Variants in CSMD1 observed in about 807,000 individuals in gnomAD.
CSMD1 encodes the protein CUB and Sushi multiple domains 1.
CSMD1 carries 213 observed loss-of-function variants against 417.5 expected under a neutral mutation model. That is an observed-to-expected ratio of 0.51 (90% CI 0.46 to 0.57). The LOEUF (loss-of-function observed/expected upper bound fraction) is 0.57. Ranked by LOEUF, CSMD1 falls within the 20% of genes least tolerant of loss-of-function variation. CSMD1 has a pLI of 0.00. For synonymous variants in CSMD1, 2,862 were observed against 1,736.8 expected, an observed-to-expected ratio of 1.65 and a Z score of -16.11; for missense variants, 6,923 against 4,529.7, an observed-to-expected ratio of 1.53 and a Z score of -15.17.
chr8:3,848,920 C>T (rs1803691410), intron 5 of CSMD1, among the ~76,000 whole-genome samples: 1 of 150,230 alleles, frequency 6.7e-6, no homozygotes, highest in Admixed American at 6.6e-5. Flanking sequence ...ATATCATATA[C>T]ATATATCATA....
chr8:3,660,875 C>T (rs1393865212), intron 7 of CSMD1, among the ~76,000 whole-genome samples: 5 of 152,130 alleles, frequency 3.3e-5, no homozygotes, highest in Admixed American at 2.0e-4. Context: ...ATTGTTCAGA[C>T]TCTATGACAG....
chr8:4,864,897 AAC>A (rs759168576), intron 1 of CSMD1, among the ~76,000 whole-genome samples: 33 of 50,394 alleles, frequency 6.5e-4, no homozygotes, highest in African/African-American at 1.4e-3. Context: ...CACACACACA[AAC>A]ACACACACAC....
intron 7 of CSMD1, among the ~76,000 whole-genome samples, chr8:3,630,073 C>T (rs868272157): frequency 2.6e-5 from 4 of 152,204 alleles, no homozygotes; most frequent in African/African-American, 9.6e-5. Context: ...TCAAAATCCC[C>T]ATGGAAATAA....
At chr8:4,227,959 T>C (rs1359495722) in intron 3 of CSMD1, among the ~76,000 whole-genome samples, 5 of 131,952 alleles carry the variant, frequency 3.8e-5, no homozygotes, top group East Asian at 2.3e-4. Context: ...CTGCATTCAA[T>C]CCCACACCAG....
At chr8:4,102,290 G>A (rs1398643654) in intron 3 of CSMD1, among the ~76,000 whole-genome samples, 2 of 152,132 alleles carry the variant, frequency 1.3e-5, no homozygotes, top group Non-Finnish European at 2.9e-5. Context: ...GAAGATCAGA[G>A]AAATCATGAT....
intron 49 of CSMD1, among the ~76,000 whole-genome samples, chr8:3,068,281 C>T (rs1003968596): frequency 6.6e-6 from 1 of 151,762 alleles, no homozygotes; most frequent in Non-Finnish European, 1.5e-5. Context: ...ATGTTGAATC[C>T]CACAGGCTTC....
intron 3 of CSMD1, among the ~76,000 whole-genome samples, chr8:4,049,489 A>G (rs1050830090): frequency 2.7e-5 from 4 of 149,792 alleles, no homozygotes; most frequent in African/African-American, 7.4e-5. Context: ...TGCATATTTG[A>G]ATCCCCTTTT....
intron 5 of CSMD1, among the ~76,000 whole-genome samples, chr8:3,783,506 G>T (rs757090179): frequency 7.9e-5 from 12 of 152,208 alleles, no homozygotes; most frequent in African/African-American, 2.7e-4. Context: ...GGAGGGGAAA[G>T]GACCTGAATC....
intron 1 of CSMD1, among the ~76,000 whole-genome samples, chr8:4,879,079 T>C (rs1803231563): frequency 6.6e-6 from 1 of 151,920 alleles, no homozygotes; most frequent in Non-Finnish European, 1.5e-5. Flanking sequence ...TTGTAGACAC[T>C]AAGTAAGCTT....
At chr8:3,425,589 A>AAT (rs529560440) in intron 12 of CSMD1, among the ~76,000 whole-genome samples, 65 of 132,804 alleles carry the variant, frequency 4.9e-4, no homozygotes, top group African/African-American at 1.6e-3. Context: ...TTCGGTCTCA[A>AAT]AAAAAAAAAA....
At chr8:3,650,917 C>G (rs1242638615) in intron 7 of CSMD1, among the ~76,000 whole-genome samples, 5 of 152,280 alleles carry the variant, frequency 3.3e-5, no homozygotes, top group African/African-American at 1.2e-4. Flanking sequence ...GACTTCTGGT[C>G]TCTCCGACTC....
chr8:4,987,884 G>T (rs922185330), intron 1 of CSMD1, among the ~76,000 whole-genome samples: 1 of 152,160 alleles, frequency 6.6e-6, no homozygotes, highest in Non-Finnish European at 1.5e-5. Context: ...TCACCTATTG[G>T]ACTCTTGGAC....
At position 3,311,180 on chromosome 8, in the gene CSMD1, T is replaced by C. The variant is rs372192398; in HGVS notation, c.3632-2677A>G. Among the ~76,000 whole-genome samples the C allele has an allele frequency of 7.2e-5, 11 of 152,194 alleles. No individual in the cohort carries two copies. In the East Asian group the frequency reaches 1.3e-3, roughly 19 times the overall value. ...TACCTTGGCCTATAGTTGTGGAAAATCATCTAGCACAAAGCCTATTTATTT... is the reference window on the plus strand; with the variant it reads ...TACCTTGGCCTATAGTTGTGGAAAACCATCTAGCACAAAGCCTATTTATTT... On this transcript the variant is annotated intron_variant, in intron 23 of 69. Coordinates refer to ENST00000635120, the MANE Select transcript of CSMD1 (RefSeq NM_033225.6).
intron 49 of CSMD1, among the ~76,000 whole-genome samples, chr8:3,077,651 G>A (rs1001566454): frequency 2.0e-5 from 3 of 152,212 alleles, no homozygotes; most frequent in Non-Finnish European, 4.4e-5. Context: ...GTAGCCTGAG[G>A]CTTATGCCTG....
chr8:4,776,804 C>G (rs74299165), intron 1 of CSMD1, among the ~76,000 whole-genome samples: 2 of 151,780 alleles, frequency 1.3e-5, no homozygotes, highest in Admixed American at 1.3e-4. Context: ...TAGAGCCAGA[C>G]GATTTAAATT....
intron 6 of CSMD1, among the ~76,000 whole-genome samples, chr8:3,726,009 G>C (rs1320842014): frequency 2.0e-5 from 3 of 152,172 alleles, no homozygotes; most frequent in Non-Finnish European, 2.9e-5. Context: ...GTCACTGCAA[G>C]TTCCTGCTGG....
chr8:4,495,382 T>C (rs1246527098), intron 2 of CSMD1, among the ~76,000 whole-genome samples: 1 of 152,164 alleles, frequency 6.6e-6, no homozygotes, highest in East Asian at 1.9e-4. Context: ...GAGACTAGCA[T>C]GGCCAACGTG....
At chr8:3,805,664 A>G (rs1800691032) in intron 5 of CSMD1, among the ~76,000 whole-genome samples, 1 of 151,984 alleles carries the variant, frequency 6.6e-6, no homozygotes, top group African/African-American at 2.4e-5. Context: ...CAAGTTGGGT[A>G]TTTGATTGTA....
At chr8:3,920,147 C>A (rs1336336566) in intron 5 of CSMD1, among the ~76,000 whole-genome samples, 1 of 152,060 alleles carries the variant, frequency 6.6e-6, no homozygotes, top group Non-Finnish European at 1.5e-5. Context: ...GATCTTCCTG[C>A]CTTAGTCTTC....
Sources: gnomAD v4.1 joint callset for allele counts (sites outside exome capture counted in the v4.1 genomes callset) on GRCh38, gnomAD v4.1.1 for gene constraint, MANE v1.5 for transcripts, NCBI Gene and HGNC (gene_info 2026-07-23, HGNC 2026-07-21) for gene names.